Variants in PIP5K1B observed in about 807,000 individuals in gnomAD.
The protein encoded by PIP5K1B is phosphatidylinositol-4-phosphate 5-kinase type 1 beta, also known as phosphatidylinositol 4-phosphate 5-kinase type-1 beta.
A neutral mutation model predicts 67.0 loss-of-function variants in PIP5K1B; 42 were observed. The observed-to-expected ratio is 0.63, with a 90% CI of 0.49 to 0.81. PIP5K1B has a LOEUF of 0.81. PIP5K1B is among the 30% of genes least tolerant of loss of function. The pLI, the probability that PIP5K1B is intolerant of heterozygous loss-of-function variation, is 0.00. For missense variants in PIP5K1B, 459 were observed against 646.3 expected (o/e 0.71, Z 3.14); for synonymous variants, 214 against 231.4 (o/e 0.92, Z 0.68).
At position 68,968,707 on chromosome 9, in the gene PIP5K1B, A is replaced by C. The variant is rs1446901052; in HGVS notation, c.1503-22433A>C. ...TGTTAGGATCCTTGTTTATATATAT[A>C]TATATATATTTTTTTTTTGCATGTG... is the stretch of plus-strand genomic sequence containing the variant. On this transcript the variant is annotated intron_variant, in intron 14 of 15. Transcript: ENST00000265382. Among the ~76,000 whole-genome samples the C allele has an allele frequency of 5.6e-4, 78 of 139,022 alleles. 3 individuals carry two copies. Among genetic ancestry groups the C allele is most frequent in the Admixed American group, 5.5e-3 (78 of 14,150 alleles). The allele number at this position is 139,022 out of a possible 152,430, so 91.2% of individuals were successfully genotyped here.
At chr9:68,927,764 A>G (rs1335690568) in intron 12 of PIP5K1B, among the ~76,000 whole-genome samples, 1 of 152,040 alleles carries the variant, frequency 6.6e-6, no homozygotes, top group Non-Finnish European at 1.5e-5. Context: ...TTTAATTTTG[A>G]TGTCCAATTT....
At chr9:68,818,246 C>A (rs1327783766) in intron 2 of PIP5K1B, among the ~76,000 whole-genome samples, 1 of 152,238 alleles carries the variant, frequency 6.6e-6, no homozygotes, top group African/African-American at 2.4e-5. Context: ...GTTTATTCAA[C>A]AACCATACCA....
intron 15 of PIP5K1B, among the ~76,000 whole-genome samples, chr9:68,999,343 G>A (rs184189162): frequency 0.01 from 1,588 of 152,256 alleles, 11 homozygotes; most frequent in South Asian, 0.032. Flanking sequence ...CTACCTTACC[G>A]AGGGACCTGT....
chr9:68,873,475 A>G (rs1823728222), intron 5 of PIP5K1B, among the ~76,000 whole-genome samples: 1 of 151,488 alleles, frequency 6.6e-6, no homozygotes, highest in African/African-American at 2.4e-5. Flanking sequence ...TTTCATAGAG[A>G]CAGGGTTTCA....
Position 68,792,189 on chromosome 9 carries a change from C to A in PIP5K1B, c.-85-26272C>A, listed in dbSNP as rs554249736. On this transcript the variant is annotated intron_variant, in intron 2 of 15. Transcript: ENST00000265382. ...ATTTGTATGGTTTCTTTTCTCTTTG[C>A]CCCATGCAAAAATAGGGACTAAGCC... Among the ~76,000 whole-genome samples the A allele has an allele frequency of 8.5e-5, 13 of 152,214 alleles. No individual in the cohort carries two copies. In the South Asian group the frequency reaches 1.2e-3, roughly 15 times the overall value.
At chr9:68,853,148 G>A (rs1822578651) in intron 4 of PIP5K1B, among the ~76,000 whole-genome samples, 1 of 152,206 alleles carries the variant, frequency 6.6e-6, no homozygotes, top group Non-Finnish European at 1.5e-5. Flanking sequence ...ATGGAACACA[G>A]TGAGCAATCC....
Position 68,833,576 on chromosome 9 carries a change from G to A in PIP5K1B, c.69+10893G>A, listed in dbSNP as rs376123958. ...CAGGGACACTGCCCCCCCACCCCCCGACAACAAATACTCATCAGCCCCAAG... is the reference window on the plus strand; with the variant it reads ...CAGGGACACTGCCCCCCCACCCCCCAACAACAAATACTCATCAGCCCCAAG... On this transcript the variant is annotated intron_variant, in intron 4 of 15. Coordinates refer to ENST00000265382, the MANE Select transcript of PIP5K1B (RefSeq NM_003558.4). Among the ~76,000 whole-genome samples the A allele has an allele frequency of 7.8e-3, 747 of 95,582 alleles. 5 individuals are homozygous for A. The highest frequency in any genetic ancestry group is 0.042 in the South Asian group (112 of 2,684). The allele number at this position is 95,582 out of a possible 152,430, so 62.7% of individuals were successfully genotyped here. A position where few individuals can be genotyped will look rare whatever the true frequency, so the allele number is the denominator to read the frequency against.
intron 14 of PIP5K1B, among the ~76,000 whole-genome samples, chr9:68,988,444 G>T (rs1018437269): frequency 3.5e-4 from 39 of 110,012 alleles, no homozygotes; most frequent in East Asian, 1.7e-3. Flanking sequence ...TTTTTTTGGG[G>T]TTTTTTTTTT....
At chr9:68,780,477 C>T (rs1831200055) in intron 2 of PIP5K1B, 1 of 1,614,210 alleles carries the variant, frequency 6.2e-7, no homozygotes, top group Non-Finnish European at 8.5e-7. Context: ...GGTCCACGAA[C>T]GGGAGGTGCA....
At chr9:68,940,224 A>G (rs1478006770) in intron 13 of PIP5K1B, among the ~76,000 whole-genome samples, 1 of 152,204 alleles carries the variant, frequency 6.6e-6, no homozygotes, top group East Asian at 1.9e-4. Flanking sequence ...TCTTAGATCC[A>G]ACCTGAGAAT....
intron 1 of PIP5K1B, among the ~76,000 whole-genome samples, chr9:68,732,384 A>G (rs1196719380): frequency 6.6e-6 from 1 of 152,222 alleles, no homozygotes. Context: ...GCACTATTCA[A>G]GAGTATCTGA....
At chr9:68,875,494 T>C (rs906684069) in intron 5 of PIP5K1B, among the ~76,000 whole-genome samples, 84 of 152,082 alleles carry the variant, frequency 5.5e-4, no homozygotes, top group African/African-American at 1.9e-3. Flanking sequence ...TCTGTTAACA[T>C]TATGTTGAAG....
chr9:68,779,733 G>A (rs1301682049), intron 2 of PIP5K1B, among the ~76,000 whole-genome samples: 2 of 152,198 alleles, frequency 1.3e-5, no homozygotes, highest in Non-Finnish European at 2.9e-5. Flanking sequence ...TCAGATTTCA[G>A]GAGATTGTTC....
intron 1 of PIP5K1B, among the ~76,000 whole-genome samples, chr9:68,709,273 A>C (rs1246084045): frequency 2.0e-5 from 3 of 151,948 alleles, no homozygotes. Context: ...TCAAGGTCTC[A>C]TTCTGTTTCC....
At chr9:68,712,157 T>C (rs902240203) in intron 1 of PIP5K1B, among the ~76,000 whole-genome samples, 4 of 152,238 alleles carry the variant, frequency 2.6e-5, no homozygotes, top group Admixed American at 1.3e-4. Context: ...GCTCTTGCTC[T>C]ATGAGTTTAC....
At chr9:68,707,037 G>T (rs920575830) in intron 1 of PIP5K1B, among the ~76,000 whole-genome samples, 1 of 152,154 alleles carries the variant, frequency 6.6e-6, no homozygotes, top group Non-Finnish European at 1.5e-5. Context: ...GAAAGGAGAC[G>T]CTGGGAAAAA....
At chr9:68,880,320 A>G (rs1824118365) in intron 6 of PIP5K1B, among the ~76,000 whole-genome samples, 1 of 152,210 alleles carries the variant, frequency 6.6e-6, no homozygotes, top group Non-Finnish European at 1.5e-5. Flanking sequence ...AGGGAGGCCA[A>G]GGTGGGTGGA....
intron 4 of PIP5K1B, among the ~76,000 whole-genome samples, chr9:68,847,964 G>A (rs1822281346): frequency 6.6e-6 from 1 of 152,214 alleles, no homozygotes; most frequent in South Asian, 2.1e-4. Flanking sequence ...GTAATTCTAT[G>A]TGGGGTTATG....
intron 1 of PIP5K1B, 24 bp downstream of exon 1, chr9:68,705,786 C>G (rs1226072590): frequency 1.3e-5 from 2 of 152,348 alleles, no homozygotes; most frequent in African/African-American, 4.8e-5. Context: ...GCGTCCCCGG[C>G]CCCTTCCCAC....
Sources: allele counts gnomAD v4.1 joint callset (sites outside exome capture counted in the v4.1 genomes callset), GRCh38; gene constraint gnomAD v4.1.1; transcripts MANE v1.5; gene names NCBI Gene and HGNC (gene_info 2026-07-23, HGNC 2026-07-21).